The following ARK2C variants were observed in gnomAD, a reference collection of about 807,000 sequenced individuals.
The protein encoded by ARK2C is arkadia (RNF111) C-terminal like ring finger ubiquitin ligase 2C.
chr18:46,421,133 T>G, the ARK2C span, among the ~76,000 whole-genome samples: 1 of 152,198 alleles, frequency 6.6e-6, no homozygotes, highest in Non-Finnish European at 1.5e-5. Flanking sequence ...GTCTCCTCAG[T>G]TCATGCTGGA....
chr18:46,417,417 G>A, the ARK2C span, among the ~76,000 whole-genome samples: 339 of 152,312 alleles, frequency 2.2e-3, 2 homozygotes, highest in African/African-American at 7.5e-3. Context: ...CAAGCCTCCC[G>A]AAGTTTCTCA....
At chr18:46,350,144 C>G in the ARK2C span, among the ~76,000 whole-genome samples, 1 of 152,308 alleles carries the variant, frequency 6.6e-6, no homozygotes, top group Middle Eastern at 3.4e-3. Context: ...TACTGCCTTC[C>G]CCTTCTTTTC....
the ARK2C span, among the ~76,000 whole-genome samples, chr18:46,366,898 C>T: frequency 0.16 from 24,340 of 152,182 alleles, 2,505 homozygotes; most frequent in East Asian, 0.47. Flanking sequence ...AATCCAAGTC[C>T]AGCAAAAGGT....
the ARK2C span, among the ~76,000 whole-genome samples, chr18:46,418,973 G>A: frequency 7.2e-5 from 11 of 152,252 alleles, no homozygotes; most frequent in African/African-American, 2.7e-4. Context: ...CACATTGAAA[G>A]TAAAAGTGAG....
chr18:46,421,311 A>T, the ARK2C span, among the ~76,000 whole-genome samples: 1 of 152,348 alleles, frequency 6.6e-6, no homozygotes, highest in Non-Finnish European at 1.5e-5. Flanking sequence ...AGCTGCTTGC[A>T]CATGACCAAG....
At chr18:46,345,360 G>T in the ARK2C span, among the ~76,000 whole-genome samples, 3 of 144,290 alleles carry the variant, frequency 2.1e-5, no homozygotes, top group African/African-American at 5.2e-5. Context: ...TGGGAGAGAA[G>T]GCCAGATGAC....
the ARK2C span, chr18:46,457,351 A>G: frequency 6.6e-6 from 1 of 151,838 alleles, no homozygotes; most frequent in Non-Finnish European, 1.5e-5. Context: ...TTTTGTTTTT[A>G]CCTTGGCTTT....
chr18:46,347,740 G>A, the ARK2C span, among the ~76,000 whole-genome samples: 3 of 152,242 alleles, frequency 2.0e-5, no homozygotes, highest in East Asian at 3.9e-4. Flanking sequence ...CTCCTAGGAG[G>A]CACTTTGAAT....
At chr18:46,345,576 C>T in the ARK2C span, among the ~76,000 whole-genome samples, 6 of 152,280 alleles carry the variant, frequency 3.9e-5, no homozygotes, top group East Asian at 5.8e-4. Context: ...GTGGACTAGA[C>T]GTGTGCGCAG....
At chr18:46,393,625 C>T in the ARK2C span, among the ~76,000 whole-genome samples, 1 of 152,174 alleles carries the variant, frequency 6.6e-6, no homozygotes, top group East Asian at 1.9e-4. Context: ...GGTCTAAGGT[C>T]ACCCCACCCC....
At chr18:46,340,486 C>T in the ARK2C span, among the ~76,000 whole-genome samples, 2 of 152,174 alleles carry the variant, frequency 1.3e-5, no homozygotes, top group African/African-American at 2.4e-5. Context: ...ACCTGAGTGC[C>T]TCCCTCCTGG....
At chr18:46,345,870 T>A in the ARK2C span, among the ~76,000 whole-genome samples, 3 of 151,756 alleles carry the variant, frequency 2.0e-5, no homozygotes, top group African/African-American at 7.3e-5. Flanking sequence ...TGAGTGAGAG[T>A]AATTCTTCAG....
At chr18:46,436,211 G>GA in the ARK2C span, among the ~76,000 whole-genome samples, 1 of 152,066 alleles carries the variant, frequency 6.6e-6, no homozygotes. Flanking sequence ...GAGTTCAGGG[G>GA]AAAAAAATCT....
At chr18:46,451,399 A>G in the ARK2C span, among the ~76,000 whole-genome samples, 2 of 152,182 alleles carry the variant, frequency 1.3e-5, no homozygotes, top group African/African-American at 4.8e-5. Flanking sequence ...TTTTAATTAA[A>G]ATAAATGAAA....
At chr18:46,374,215 GT>G in the ARK2C span, among the ~76,000 whole-genome samples, 4 of 151,988 alleles carry the variant, frequency 2.6e-5, no homozygotes, top group Admixed American at 6.5e-5. Context: ...CACCAAAATA[GT>G]TTTTTTTCAA....
the ARK2C span, among the ~76,000 whole-genome samples, chr18:46,412,657 C>T: frequency 6.6e-6 from 1 of 152,192 alleles, no homozygotes; most frequent in Admixed American, 6.5e-5. Flanking sequence ...TAAATGCTCT[C>T]CCTCCAGAGG....
the ARK2C span, among the ~76,000 whole-genome samples, chr18:46,425,910 G>C: frequency 1.3e-5 from 2 of 152,206 alleles, no homozygotes; most frequent in Non-Finnish European, 2.9e-5. Context: ...GGTGTTGGGA[G>C]ATTTGGTGTC....
At chr18:46,356,693 C>G in the ARK2C span, among the ~76,000 whole-genome samples, 1 of 152,140 alleles carries the variant, frequency 6.6e-6, no homozygotes, top group Non-Finnish European at 1.5e-5. Context: ...TGAGAGGGTG[C>G]CTGGGGCTTA....
the ARK2C span, among the ~76,000 whole-genome samples, chr18:46,430,155 AT>A: frequency 6.6e-6 from 1 of 151,850 alleles, no homozygotes; most frequent in Non-Finnish European, 1.5e-5. Context: ...GAGAAGGTTA[AT>A]TTTTTTTGAG....
Sources: gnomAD v4.1 joint callset for allele counts (sites outside exome capture counted in the v4.1 genomes callset) on GRCh38, gnomAD v4.1.1 for gene constraint, MANE v1.5 for transcripts, NCBI Gene and HGNC (gene_info 2026-07-23, HGNC 2026-07-21) for gene names.